AFTPH: variants seen among roughly 807,000 people sequenced by gnomAD.
The protein encoded by AFTPH is aftiphilin, also known as aftiphilin protein.
AFTPH carries 7 observed loss-of-function variants against 72.5 expected under a neutral mutation model. The ratio of observed to expected loss-of-function variants is 0.10; its 90% CI spans 0.05 to 0.18. The LOEUF (loss-of-function observed/expected upper bound fraction) is 0.18, where lower values mean the gene tolerates loss of function less well. Among genes scored for constraint, AFTPH ranks in the 10% least tolerant of loss-of-function variants. The pLI is 1.00. For synonymous variants in AFTPH, 337 were observed against 370.1 expected (o/e 0.91, Z 1.03); for missense variants, 979 against 1,060.5 (o/e 0.92, Z 1.07).
intron 7 of AFTPH, among the ~76,000 whole-genome samples, chr2:64,584,311 A>T (rs1673374729): frequency 6.6e-6 from 1 of 152,126 alleles, no homozygotes; most frequent in African/African-American, 2.4e-5. Flanking sequence ...ACACAAAGTT[A>T]TATGTATTTT....
At chr2:64,547,195 C>G (rs955887778) in intron 1 of AFTPH, among the ~76,000 whole-genome samples, 1 of 152,172 alleles carries the variant, frequency 6.6e-6, no homozygotes, top group African/African-American at 2.4e-5. Flanking sequence ...GGAAGGAGAC[C>G]AAGTGCTGCG....
chr2:64,533,843 T>C (rs1414983321), intron 1 of AFTPH, among the ~76,000 whole-genome samples: 1 of 152,220 alleles, frequency 6.6e-6, no homozygotes, highest in African/African-American at 2.4e-5. Flanking sequence ...TTTTATGTTA[T>C]ATAAAATTAA....
intron 2 of AFTPH, among the ~76,000 whole-genome samples, chr2:64,558,391 C>A (rs1357622767): frequency 2.0e-5 from 3 of 152,206 alleles, no homozygotes; most frequent in Non-Finnish European, 4.4e-5. Flanking sequence ...TCTATGGCAT[C>A]TTTCTGGTCA....
At chr2:64,583,254 G>C (rs1573043685) in intron 7 of AFTPH, among the ~76,000 whole-genome samples, 1 of 150,996 alleles carries the variant, frequency 6.6e-6, no homozygotes, top group East Asian at 1.9e-4. Context: ...TAGGAGGTTG[G>C]CATAGAACTT....
At chr2:64,591,952 T>C in exon 9 of AFTPH, 1 of 1,614,052 alleles carries the variant, frequency 6.2e-7, no homozygotes, top group South Asian at 1.1e-5. Flanking sequence ...CCTTCCTGAC[T>C]TAACATTCAT....
chr2:64,591,286 C>T (rs1464270121), intron 8 of AFTPH, among the ~76,000 whole-genome samples: 2 of 152,220 alleles, frequency 1.3e-5, no homozygotes, highest in South Asian at 2.1e-4. Context: ...TGCCTGTGTA[C>T]GTGCATAATA....
chr2:64,585,538 T>G, exon 8 of AFTPH: 2 of 1,607,890 alleles, frequency 1.2e-6, no homozygotes, highest in Non-Finnish European at 1.7e-6. Context: ...GACAAGCACA[T>G]CTACCAGGTA....
intron 1 of AFTPH, among the ~76,000 whole-genome samples, chr2:64,532,555 G>C (rs150860566): frequency 9.0e-4 from 137 of 152,258 alleles, no homozygotes; most frequent in African/African-American, 3.0e-3. Flanking sequence ...GATATTAAAG[G>C]ATAAGGAGCT....
intron 8 of AFTPH, among the ~76,000 whole-genome samples, chr2:64,587,578 C>A (rs551252407): frequency 6.6e-6 from 1 of 152,100 alleles, no homozygotes; most frequent in African/African-American, 2.4e-5. Context: ...TGCCAATAAG[C>A]AGAAGATAAA....
At chr2:64,537,474 C>T (rs1004771071) in intron 1 of AFTPH, among the ~76,000 whole-genome samples, 9 of 152,276 alleles carry the variant, frequency 5.9e-5, no homozygotes, top group South Asian at 2.1e-4. Context: ...TAAAATGTTT[C>T]GTATGCTACT....
rs546976348 is a variant in AFTPH, at chr2:64,543,773, T to C, written c.-32-7670T>C. ...AAATGGCCAAATAGTCTCAGACAGT[T>C]GTTGGCCCCATTCCTTCCTTCTGCC... On this transcript the variant is annotated intron_variant, in intron 1 of 8. Transcript: ENST00000238856. Among the ~76,000 whole-genome samples the C allele has an allele frequency of 2.6e-5, 4 of 152,344 alleles. No individual in the cohort carries two copies. In the East Asian group the frequency reaches 7.7e-4, roughly 29 times the overall value.
chr2:64,567,793 T>G, intron 3 of AFTPH, 80 bp downstream of exon 3: 2 of 1,504,804 alleles, frequency 1.3e-6, no homozygotes, highest in Non-Finnish European at 1.8e-6. Context: ...TCTTAAAACA[T>G]TAAGGTTCAG....
intron 1 of AFTPH, among the ~76,000 whole-genome samples, chr2:64,542,343 A>G (rs2103867479): frequency 6.6e-6 from 1 of 152,294 alleles, no homozygotes; most frequent in East Asian, 1.9e-4. Flanking sequence ...TCCTTAGAGG[A>G]ATACGTAGGG....
chr2:64,586,328 G>C (rs921682589), intron 8 of AFTPH, among the ~76,000 whole-genome samples: 1 of 152,160 alleles, frequency 6.6e-6, no homozygotes, highest in African/African-American at 2.4e-5. Context: ...TTTTAAAGTG[G>C]AACTATTTAC....
intron 6 of AFTPH, among the ~76,000 whole-genome samples, chr2:64,576,527 A>G (rs981403081): frequency 1.6e-4 from 25 of 152,172 alleles, no homozygotes; most frequent in Admixed American, 1.4e-3. Flanking sequence ...GTGTGTTTTC[A>G]TTTTTATCTG....
At chr2:64,558,990 C>A (rs985874566) in intron 2 of AFTPH, among the ~76,000 whole-genome samples, 3 of 152,138 alleles carry the variant, frequency 2.0e-5, no homozygotes, top group Non-Finnish European at 2.9e-5. Flanking sequence ...GGTGGACATA[C>A]GGAAAATGTG....
At chr2:64,547,413 T>C (rs1361109430) in intron 1 of AFTPH, among the ~76,000 whole-genome samples, 2 of 152,220 alleles carry the variant, frequency 1.3e-5, no homozygotes. Flanking sequence ...GTATTCTCAT[T>C]GCATCTCATC....
chr2:64,564,922 C>T (rs989400285), intron 2 of AFTPH, among the ~76,000 whole-genome samples: 4 of 151,742 alleles, frequency 2.6e-5, no homozygotes, highest in Non-Finnish European at 5.9e-5. Context: ...ACTGCCACCT[C>T]CACCTCTCCT....
At chr2:64,555,849 C>G (rs1319455177) in intron 2 of AFTPH, among the ~76,000 whole-genome samples, 1 of 152,156 alleles carries the variant, frequency 6.6e-6, no homozygotes, top group African/African-American at 2.4e-5. Flanking sequence ...GCGGCTGGCA[C>G]TTTATTTCTT....
Sources: gnomAD v4.1 joint callset for allele counts (sites outside exome capture counted in the v4.1 genomes callset) on GRCh38, gnomAD v4.1.1 for gene constraint, MANE v1.5 for transcripts, NCBI Gene and HGNC (gene_info 2026-07-23, HGNC 2026-07-21) for gene names.